Variants in SPATA21 observed in about 807,000 individuals in gnomAD.
SPATA21 encodes the protein spermatogenesis associated 21, also known as spermatogenesis-associated protein 21.
In SPATA21, 47 loss-of-function variants were observed where a neutral mutation model predicts 54.8. The ratio of observed to expected loss-of-function variants is 0.86; its 90% confidence interval spans 0.68 to 1.09. SPATA21 has a LOEUF of 1.09. Ranked by LOEUF, SPATA21 falls within the 50% of genes least tolerant of loss-of-function variation. The pLI is 0.00. For missense variants in SPATA21, 599 were observed against 596.4 expected (o/e 1.00, Z -0.05); for synonymous variants, 245 against 235.3 (o/e 1.04, Z -0.38).
rs1458422726 is a variant in SPATA21, at chr1:16,421,847, A to C, written c.95+64T>G. 1 of 1,612,346 alleles carries C rather than the reference A, an allele frequency of 6.2e-7. No homozygotes were observed. Among genetic ancestry groups the C allele is most frequent in the African/African-American group, 1.3e-5 (1 of 74,868 alleles). Reference sequence around the variant, plus strand: ...AGCAGTCTGGACTAGAATTCACCCCACCTGAAACTCAGCAGAAGAGCATCC... The same window carrying C: ...AGCAGTCTGGACTAGAATTCACCCCCCCTGAAACTCAGCAGAAGAGCATCC... On this transcript the variant is annotated intron_variant, in intron 4 of 12. Transcript: ENST00000335496. This position sits in a 1 kb window ranked among gnomAD's most constrained non-coding sequence, Gnocchi z 5.2.
chr1:16,403,376 T>A (rs1460228541), intron 10 of SPATA21, among the ~76,000 whole-genome samples: 1 of 152,196 alleles, frequency 6.6e-6, no homozygotes, highest in Non-Finnish European at 1.5e-5. Context: ...GAGAAAGCCT[T>A]ACTGGTATCA....
chr1:16,413,864 C>T (rs186191613), intron 5 of SPATA21, among the ~76,000 whole-genome samples: 118 of 152,120 alleles, frequency 7.8e-4, no homozygotes, highest in East Asian at 1.4e-3. Flanking sequence ...CTGCCTGCCT[C>T]GGCCTCCCAA....
chr1:16,402,208 A>ACAGGCTTTT (rs1472276637), intron 10 of SPATA21, among the ~76,000 whole-genome samples: 1 of 145,802 alleles, frequency 6.9e-6, no homozygotes, highest in Non-Finnish European at 1.5e-5. Context: ...GATGAGCTAT[A>ACAGGCTTTT]CAGGCTTTTC....
In SPATA21 at chr1:16,428,110, C is replaced by T; in HGVS notation, c.34+3228G>A. On this transcript the variant is annotated intron_variant, in intron 3 of 12. Coordinates refer to ENST00000335496, the MANE Select transcript of SPATA21 (RefSeq NM_198546.1). The surrounding 1 kb of genome is among the most constrained non-coding windows in gnomAD (Gnocchi z 4.3). ...CACTCCTCCCTGGGTACTCTTCTGG[C>T]CTCAAGGACAGGGAGATCCTGTGCC... 2 of 1,439,366 alleles carry T rather than the reference C, an allele frequency of 1.4e-6. No individual in the cohort carries two copies. The highest frequency in any genetic ancestry group is 1.4e-5 in the South Asian group (1 of 71,618). The allele number at this position is 1,439,366 out of a possible 1,614,324, so 89.2% of individuals were successfully genotyped here. A position where few individuals can be genotyped will look rare whatever the true frequency, so the allele number is the denominator to read the frequency against.
chr1:16,427,442 C>T (rs1015749670), intron 3 of SPATA21, among the ~76,000 whole-genome samples: 17 of 152,110 alleles, frequency 1.1e-4, no homozygotes, highest in Admixed American at 1.0e-3. Flanking sequence ...TACATTCTTG[C>T]TGTAGAAAAG....
intron 7 of SPATA21, among the ~76,000 whole-genome samples, chr1:16,407,238 C>T (rs2085672864): frequency 1.3e-5 from 2 of 152,168 alleles, no homozygotes; most frequent in Admixed American, 6.6e-5. Flanking sequence ...AAAACCAGAG[C>T]AACTCTCAGA....
chr1:16,424,238 G>A (rs1253173552), intron 3 of SPATA21, among the ~76,000 whole-genome samples: 44 of 117,658 alleles, frequency 3.7e-4, no homozygotes, highest in South Asian at 6.2e-4. Flanking sequence ...GCATGAACCT[G>A]GGAGGCAGAG....
chr1:16,406,315 CT>C (rs1205121177), intron 7 of SPATA21, among the ~76,000 whole-genome samples: 10 of 152,138 alleles, frequency 6.6e-5, no homozygotes, highest in Non-Finnish European at 1.2e-4. Context: ...CCGGATTGCT[CT>C]TATGTTGAAG....
rs1172765694 is a variant in SPATA21 at position 16,426,508 on chromosome 1, C to T, written c.35-4537G>A. Reference sequence around the variant, plus strand: ...TCCTGGGCTTAAGTGATCCGCCAACCTCAACTTCCCAAAGTGTTGAGATTA... The same window carrying T: ...TCCTGGGCTTAAGTGATCCGCCAACTTCAACTTCCCAAAGTGTTGAGATTA... On this transcript the variant is annotated intron_variant, in intron 3 of 12. Transcript: ENST00000335496. 1.3e-5 allele frequency among the ~76,000 whole-genome samples: 2 copies of T among 148,984 alleles called. 1 individual carries two copies. Among genetic ancestry groups the T allele is most frequent in the African/African-American group, 4.9e-5 (2 of 40,504 alleles).
intron 7 of SPATA21, among the ~76,000 whole-genome samples, chr1:16,406,281 G>A (rs774351792): frequency 3.9e-5 from 6 of 152,224 alleles, no homozygotes; most frequent in Non-Finnish European, 5.9e-5. Flanking sequence ...CGCTGCGCCC[G>A]GCCTGGCTCT....
chr1:16,431,444 G>T, intron 2 of SPATA21, 22 bp from the exon 3 acceptor site: 1 of 1,597,300 alleles, frequency 6.3e-7, no homozygotes, highest in Non-Finnish European at 8.5e-7. Context: ...ATCCAATCAA[G>T]CGTCCCACCA....
chr1:16,409,055 A>G lies in SPATA21; in HGVS notation c.673+63T>C, dbSNP rs1397844081. The G allele has an allele frequency of 3.2e-6, 5 of 1,576,538 alleles. No individual in the cohort carries two copies. Among genetic ancestry groups the G allele is most frequent in the East Asian group, 2.2e-5 (1 of 44,458 alleles). On this transcript the variant is annotated intron_variant, in intron 7 of 12. Coordinates refer to ENST00000335496, the MANE Select transcript of SPATA21 (RefSeq NM_198546.1). This position sits in a 1 kb window ranked among gnomAD's most constrained non-coding sequence, Gnocchi z 4.1. Reference sequence around the variant, plus strand: ...AAGCACCCCAGTCCGCCCTGCGCCTATAAACCCCCAAGGACCAAGGGTCCT... The same window carrying G: ...AAGCACCCCAGTCCGCCCTGCGCCTGTAAACCCCCAAGGACCAAGGGTCCT...
downstream of SPATA21, chr1:16,398,009 GC>G: frequency 1.2e-6 from 1 of 820,240 alleles, no homozygotes; most frequent in Non-Finnish European, 1.5e-6. Flanking sequence ...GGGAGGGAGG[GC>G]TGCACCCCTG....
chr1:16,424,233 A>G (rs2086256073), intron 3 of SPATA21, among the ~76,000 whole-genome samples: 3 of 1,676 alleles, frequency 1.8e-3, no homozygotes, highest in African/African-American at 5.5e-3. Flanking sequence ...GAATGGCATG[A>G]ACCTGGGAGG....
intron 3 of SPATA21, among the ~76,000 whole-genome samples, chr1:16,430,114 CAAAAAAAAAAAAAAAA>C (rs1226598581): frequency 1.9e-5 from 1 of 53,152 alleles, no homozygotes; most frequent in Admixed American, 2.5e-4. Flanking sequence ...GACTCTATCT[CAAAAAAAAAAAAAAAA>C]AAAAAAAAAA....
chr1:16,426,557 C>CTATATATATATATA lies in SPATA21; in HGVS notation c.35-4600_35-4587dup, dbSNP rs778670029. Among the ~76,000 whole-genome samples the CTATATATATATATA allele has an allele frequency of 3.7e-3, 315 of 85,744 alleles. 3 individuals are homozygous for CTATATATATATATA. Among genetic ancestry groups the CTATATATATATATA allele is most frequent in the East Asian group, 0.018 (24 of 1,310 alleles). The allele number at this position is 85,744 out of a possible 152,430, so 56.3% of individuals were successfully genotyped here. A position where few individuals can be genotyped will look rare whatever the true frequency, so the allele number is the denominator to read the frequency against. ...TACAGGCGTGAACCATGGTGCCCGG[C>CTATATATATATATA]TATATATATATATATATATATATTT... On this transcript the variant is annotated intron_variant, in intron 3 of 12. Transcript: ENST00000335496.
rs1183841687 is a variant in SPATA21 at position 16,400,861 on chromosome 1, A to G, written c.1033T>C (p.Cys345Arg). The change falls in exon 11 of 13, where the codon TGC becomes CGC. Residue 345 changes from cysteine (C) to arginine (R), a missense_variant. By Grantham distance (180) the Cys-to-Arg change is radical. Coordinates refer to ENST00000335496, the MANE Select transcript of SPATA21 (RefSeq NM_198546.1). ...YYQKKLKEGT[C>R]KAQEMEAAVG... ...GCCGCTTCCATCTCCTGGGCCTTGCAGGTGCCTTCCTTCAGCTTTTTCTGG... is the reference window on the plus strand; with the variant it reads ...GCCGCTTCCATCTCCTGGGCCTTGCGGGTGCCTTCCTTCAGCTTTTTCTGG... The G allele has an allele frequency of 4.3e-6, 7 of 1,613,602 alleles. No homozygotes were observed. Among genetic ancestry groups the G allele is most frequent in the Non-Finnish European group, 5.9e-6 (7 of 1,179,800 alleles).
At position 16,403,707 on chromosome 1, in the gene SPATA21, C is replaced by T. The variant is rs2085531094; in HGVS notation, c.1001+20G>A. ...CTCTGTGTCCACAACCCTTCACCCC[C>T]AACAACCGGCCCCACTCACTTTGTG... On this transcript the variant is annotated intron_variant, in intron 10 of 12. Transcript: ENST00000335496. The T allele has an allele frequency of 6.2e-7, 1 of 1,605,186 alleles. No homozygotes were observed.
intron 7 of SPATA21, among the ~76,000 whole-genome samples, chr1:16,407,513 G>T (rs2085680634): frequency 6.6e-6 from 1 of 152,102 alleles, no homozygotes; most frequent in Non-Finnish European, 1.5e-5. Flanking sequence ...AGGCTGGAGT[G>T]CAGTAGCGCG....
Sources: allele counts gnomAD v4.1 joint callset (sites outside exome capture counted in the v4.1 genomes callset), GRCh38; gene constraint gnomAD v4.1.1; non-coding constraint Gnocchi (gnomAD v3.1); transcripts MANE v1.5; gene names NCBI Gene and HGNC (gene_info 2026-07-23, HGNC 2026-07-21).